WNT6: variants seen among roughly 807,000 people sequenced by gnomAD.
WNT6 encodes protein Wnt-6.
Under a neutral mutation model 33.1 loss-of-function variants are expected in WNT6, and 27 were observed. The ratio of observed to expected loss-of-function variants is 0.82; its 90% CI spans 0.60 to 1.12. WNT6 has a LOEUF of 1.12. Ranked by LOEUF, WNT6 falls within the 50% of genes most tolerant of loss-of-function variation. WNT6 has a pLI of 0.00. For missense variants in WNT6, 494 were observed against 535.3 expected, an observed-to-expected ratio of 0.92 and a Z score of 0.76; for synonymous variants, 249 against 242.8, an observed-to-expected ratio of 1.03 and a Z score of -0.24.
chr2:218,868,430 G>A (rs1255956336), intron 1 of WNT6, among the ~76,000 whole-genome samples: 3 of 152,166 alleles, frequency 2.0e-5, no homozygotes, highest in Non-Finnish European at 4.4e-5. Flanking sequence ...GGGAAACTAG[G>A]GAGTTAGCAG....
rs780785339 is a variant in WNT6, at chr2:218,871,031, G to A, written c.85G>A (p.Val29Met). Residue 29 changes from valine (V) to methionine (M), a missense_variant, in exon 2 of 4, where the codon GTG becomes ATG. Val to Met is a conservative substitution (Grantham distance 21). Coordinates refer to ENST00000233948, the MANE Select transcript of WNT6 (RefSeq NM_006522.4). The surrounding 1 kb of genome is among the most constrained non-coding windows in gnomAD (Gnocchi z 6.4). ...CTGCTATTCTCTGCTTTCCAGGGCT[G>A]TGGGCAGCCCCTTGGTTATGGACCC... The part of the protein sequence containing the change: ...PAHVGGLWWA[V>M]GSPLVMDPTS... The A allele has an allele frequency of 2.5e-6, 4 of 1,605,196 alleles. No homozygotes were observed. In the South Asian group the frequency reaches 3.3e-5, roughly 13 times the overall value.
chr2:218,871,498 G>C lies in WNT6; in HGVS notation c.315G>C (p.Thr105=). 1.3e-6 allele frequency: 2 copies of C among 1,597,638 alleles called. No individual in the cohort carries two copies. Among genetic ancestry groups the C allele is most frequent in the Non-Finnish European group, 1.7e-6 (2 of 1,179,392 alleles). ...CTGCATTCACAGACATTCGGGAGAC[G>C]GCCTTCGTGTTCGCCATCACTGCGG... The part of the protein sequence containing the change: ...GRILQQDIRE[T]AFVFAITAAG... Residue 105 remains threonine (T), a synonymous_variant, in exon 3 of 4, where the codon ACG becomes ACC. Transcript: ENST00000233948. This position sits in a 1 kb window ranked among gnomAD's most constrained non-coding sequence, Gnocchi z 6.4.
chr2:218,863,916 A>C (rs1944331860), intron 1 of WNT6, among the ~76,000 whole-genome samples: 1 of 152,178 alleles, frequency 6.6e-6, no homozygotes. Context: ...TTGTAATCAT[A>C]TCTTTGTGAA....
chr2:218,870,064 C>T (rs116753381), intron 1 of WNT6, among the ~76,000 whole-genome samples: 4,708 of 151,838 alleles, frequency 0.031, 246 homozygotes, highest in African/African-American at 0.11. Context: ...ACTAAAAGTA[C>T]AAAAAAATTA....
At chr2:218,869,255 C>G (rs1372187911) in intron 1 of WNT6, among the ~76,000 whole-genome samples, 1 of 151,642 alleles carries the variant, frequency 6.6e-6, no homozygotes, top group East Asian at 1.9e-4. Flanking sequence ...TGCACGTGCA[C>G]ACACACGTGT....
rs1310349406 is a variant in WNT6 at position 218,871,538 on chromosome 2, G to T, written c.355G>T (p.Ala119Ser). 2 of 1,598,318 alleles carry T rather than the reference G, an allele frequency of 1.3e-6. No homozygotes were observed. The highest frequency in any genetic ancestry group is 1.7e-6 in the Non-Finnish European group (2 of 1,179,360). Residue 119 changes from alanine to serine, a missense_variant, in exon 3 of 4, where the codon GCC becomes TCC. Coordinates refer to ENST00000233948, the MANE Select transcript of WNT6 (RefSeq NM_006522.4). The surrounding 1 kb of genome is among the most constrained non-coding windows in gnomAD (Gnocchi z 6.4). ...FAITAAGASH[A>S]VTQACSMGEL... ...CATCACTGCGGCCGGCGCCAGCCAC[G>T]CCGTCACGCAGGCCTGTTCTATGGG...
In WNT6 at chr2:218,874,159, A is replaced by G. The variant is rs954559278; in HGVS notation, c.*314A>G. 1 of 360,714 alleles carries G rather than the reference A, an allele frequency of 2.8e-6. No individual in the cohort carries two copies. The highest frequency in any genetic ancestry group is 4.6e-5 in the East Asian group (1 of 21,880). The allele number at this position is 360,714 out of a possible 1,614,324, so 22.3% of individuals were successfully genotyped here. A position where few individuals can be genotyped will look rare whatever the true frequency, so the allele number is the denominator to read the frequency against. On this transcript the variant is annotated 3_prime_UTR_variant, in exon 4 of 4. Coordinates refer to ENST00000233948, the MANE Select transcript of WNT6 (RefSeq NM_006522.4). Reference sequence around the variant, plus strand: ...AAAAAGCCAGTCTAAAGGCCTCTGGATACTGGGCTCCCCAGAACTGCTGGC... The same window carrying G: ...AAAAAGCCAGTCTAAAGGCCTCTGGGTACTGGGCTCCCCAGAACTGCTGGC...
At chr2:218,868,602 A>G (rs1944372753) in intron 1 of WNT6, among the ~76,000 whole-genome samples, 1 of 152,146 alleles carries the variant, frequency 6.6e-6, no homozygotes, top group Non-Finnish European at 1.5e-5. Context: ...CCAGTGGGGG[A>G]AAAGAGCATG....
rs1442396688 is a variant in WNT6 at position 218,861,354 on chromosome 2, A to G, written c.80+1237A>G. Among the ~76,000 whole-genome samples the G allele has an allele frequency of 2.0e-5, 3 of 152,242 alleles. No homozygotes were observed. The South Asian group carries it at 6.2e-4, about 31-fold the overall frequency. On this transcript the variant is annotated intron_variant, in intron 1 of 3. Transcript: ENST00000233948. ...TATAATGCAGTGGCAGCTTTGAAGC[A>G]GATAGATCTAAGATCTAAACATTAT... is the stretch of plus-strand genomic sequence containing the variant.
rs1944431342 is a variant in WNT6 at position 218,873,948 on chromosome 2, C to G, written c.*103C>G. ...GCCTCTCGCCGCTCGAGCCCAGCCT[C>G]TCCCTGCCAAAGCCCAACTCCCAGG... On this transcript the variant is annotated 3_prime_UTR_variant, in exon 4 of 4. Transcript: ENST00000233948. The surrounding 1 kb of genome is among the most constrained non-coding windows in gnomAD (Gnocchi z 6.1). 6.6e-6 allele frequency: 8 copies of G among 1,217,530 alleles called. No homozygotes were observed. In the Admixed American group the frequency reaches 2.4e-4, roughly 36 times the overall value. 75.4% of individuals were successfully genotyped at this position (1,217,530 alleles called of 1,614,324 possible).
intron 1 of WNT6, among the ~76,000 whole-genome samples, chr2:218,862,292 C>T (rs1235407184): frequency 2.0e-5 from 3 of 152,120 alleles, no homozygotes; most frequent in African/African-American, 7.2e-5. Context: ...CCTGCCTTGG[C>T]CCCTTCACTC....
In WNT6 at chr2:218,871,497, C is replaced by T. The variant is rs759013954; in HGVS notation, c.314C>T (p.Thr105Met). ...GRILQQDIRE[T>M]AFVFAITAAG... ...TCTGCATTCACAGACATTCGGGAGA[C>T]GGCCTTCGTGTTCGCCATCACTGCG... is the stretch of plus-strand genomic sequence containing the variant. Residue 105 changes from threonine to methionine, a missense_variant, in exon 3 of 4, where the codon ACG becomes ATG. Coordinates refer to ENST00000233948, the MANE Select transcript of WNT6 (RefSeq NM_006522.4). This position sits in a 1 kb window ranked among gnomAD's most constrained non-coding sequence, Gnocchi z 6.4. 8 of 1,597,420 alleles carry T rather than the reference C, an allele frequency of 5.0e-6. No homozygotes were observed. The highest frequency in any genetic ancestry group is 6.8e-6 in the Non-Finnish European group (8 of 1,179,368).
At chr2:218,866,977 G>A (rs528483406) in intron 1 of WNT6, among the ~76,000 whole-genome samples, 52 of 152,190 alleles carry the variant, frequency 3.4e-4, no homozygotes, top group Non-Finnish European at 5.7e-4. Flanking sequence ...TGTGGGGACT[G>A]GGGCCCAGGG....
chr2:218,863,423 C>A (rs1357507002), intron 1 of WNT6, among the ~76,000 whole-genome samples: 1 of 152,244 alleles, frequency 6.6e-6, no homozygotes, highest in Non-Finnish European at 1.5e-5. Flanking sequence ...AGTGACTCGA[C>A]TGTCTTGGTC....
chr2:218,871,653 C>A lies in WNT6; in HGVS notation c.470C>A (p.Pro157His), dbSNP rs769509450. 6.6e-7 allele frequency: 1 copy of A among 1,510,624 alleles called. No homozygotes were observed. Among genetic ancestry groups the A allele is most frequent in the Non-Finnish European group, 8.8e-7 (1 of 1,131,886 alleles). The allele number at this position is 1,510,624 out of a possible 1,614,324, so 93.6% of individuals were successfully genotyped here. The change falls in exon 3 of 4, where the codon CCC becomes CAC. Residue 157 changes from proline (P) to histidine (H), a missense_variant. Pro to His is a moderately conservative substitution (Grantham distance 77). Transcript: ENST00000233948. The surrounding 1 kb of genome is among the most constrained non-coding windows in gnomAD (Gnocchi z 6.4). Reference sequence around the variant, plus strand: ...CCCGGCACCCCCGGACCCCCTGGCCCCGCGGGCTCCCCGGAAGGCAGCGCC... The same window carrying A: ...CCCGGCACCCCCGGACCCCCTGGCCACGCGGGCTCCCCGGAAGGCAGCGCC... ...GLPGTPGPPGPAGSPEGSAAW... is the reference protein window; with the variant it reads ...GLPGTPGPPGHAGSPEGSAAW...
In WNT6 at chr2:218,873,947, T is replaced by G; in HGVS notation, c.*102T>G. 1 of 1,213,878 alleles carries G rather than the reference T, an allele frequency of 8.2e-7. No homozygotes were observed. The highest frequency in any genetic ancestry group is 1.1e-6 in the Non-Finnish European group (1 of 918,320). 75.2% of individuals were successfully genotyped at this position (1,213,878 alleles called of 1,614,324 possible). ...CGCCTCTCGCCGCTCGAGCCCAGCCTCTCCCTGCCAAAGCCCAACTCCCAG... is the reference window on the plus strand; with the variant it reads ...CGCCTCTCGCCGCTCGAGCCCAGCCGCTCCCTGCCAAAGCCCAACTCCCAG... On this transcript the variant is annotated 3_prime_UTR_variant, in exon 4 of 4. Transcript: ENST00000233948. This position sits in a 1 kb window ranked among gnomAD's most constrained non-coding sequence, Gnocchi z 6.1.
In WNT6 at chr2:218,874,165, G is replaced by A; in HGVS notation, c.*320G>A. 2.9e-6 allele frequency: 1 copy of A among 348,876 alleles called. No individual in the cohort carries two copies. 21.6% of individuals were successfully genotyped at this position (348,876 alleles called of 1,614,324 possible). A position where few individuals can be genotyped will look rare whatever the true frequency, so the allele number is the denominator to read the frequency against. Reference sequence around the variant, plus strand: ...CCAGTCTAAAGGCCTCTGGATACTGGGCTCCCCAGAACTGCTGGCCACAGG... The same window carrying A: ...CCAGTCTAAAGGCCTCTGGATACTGAGCTCCCCAGAACTGCTGGCCACAGG... On this transcript the variant is annotated 3_prime_UTR_variant, in exon 4 of 4. Coordinates refer to ENST00000233948, the MANE Select transcript of WNT6 (RefSeq NM_006522.4).
At position 218,873,317 on chromosome 2, in the gene WNT6, C is replaced by A. The variant is rs1468900079; in HGVS notation, c.637-67C>A. The A allele has an allele frequency of 3.5e-6, 5 of 1,422,196 alleles. No individual in the cohort carries two copies. The Admixed American group carries it at 6.6e-5, about 19-fold the overall frequency. The allele number at this position is 1,422,196 out of a possible 1,614,324, so 88.1% of individuals were successfully genotyped here. On this transcript the variant is annotated intron_variant, in intron 3 of 3. Transcript: ENST00000233948. This position sits in a 1 kb window ranked among gnomAD's most constrained non-coding sequence, Gnocchi z 6.1. ...TCCCATTCCCAATCTTATTTTCTGTCCATCCGCTGGGCCCTTCCCTGCACC... is the reference window on the plus strand; with the variant it reads ...TCCCATTCCCAATCTTATTTTCTGTACATCCGCTGGGCCCTTCCCTGCACC...
At chr2:218,872,549 G>A (rs1239068099) in intron 3 of WNT6, among the ~76,000 whole-genome samples, 6 of 152,302 alleles carry the variant, frequency 3.9e-5, no homozygotes, top group South Asian at 4.1e-4. Context: ...GGTTGTCTGG[G>A]TGTGATGGTT....
Sources: allele counts gnomAD v4.1 joint callset (sites outside exome capture counted in the v4.1 genomes callset), GRCh38; gene constraint gnomAD v4.1.1; non-coding constraint Gnocchi (gnomAD v3.1); transcripts MANE v1.5; gene names NCBI Gene and HGNC (gene_info 2026-07-23, HGNC 2026-07-21).